The following SRGAP3 variants were observed in gnomAD, a reference collection of about 807,000 sequenced individuals.
SRGAP3 encodes the protein SLIT-ROBO Rho GTPase activating protein 3.
Under a neutral mutation model 121.1 loss-of-function variants are expected in SRGAP3, and 39 were observed. The observed-to-expected ratio is 0.32, with a 90% CI of 0.25 to 0.42. The LOEUF is 0.42. Ranked by LOEUF, SRGAP3 falls within the 10% of genes least tolerant of loss-of-function variation. The pLI is 1.00. For missense variants in SRGAP3, 1,213 were observed against 1,470.6 expected (o/e 0.82, Z 2.86); for synonymous variants, 601 against 570.0 (o/e 1.05, Z -0.77).
At chr3:9,136,396 C>CA (rs1949656885) in intron 1 of SRGAP3, among the ~76,000 whole-genome samples, 1 of 40,884 alleles carries the variant, frequency 2.4e-5, no homozygotes, top group Non-Finnish European at 4.7e-5. Context: ...TCGCTGGGAC[C>CA]CCCCCCCCCC....
At chr3:9,214,161 A>C (rs537874681) in intron 1 of SRGAP3, among the ~76,000 whole-genome samples, 2 of 136,822 alleles carry the variant, frequency 1.5e-5, no homozygotes, top group African/African-American at 5.0e-5. Context: ...CACACACAAG[A>C]ATATAAGCTC....
intron 3 of SRGAP3, among the ~76,000 whole-genome samples, chr3:9,081,657 G>A (rs562135498): frequency 3.9e-5 from 6 of 152,270 alleles, no homozygotes; most frequent in Admixed American, 3.9e-4. Context: ...CTAAGAAGGA[G>A]GTATAGTCTG....
chr3:9,170,533 C>A (rs113506525), intron 1 of SRGAP3, among the ~76,000 whole-genome samples: 1 of 152,088 alleles, frequency 6.6e-6, no homozygotes, highest in African/African-American at 2.4e-5. Flanking sequence ...TAGGAAGTCG[C>A]ACTCAAATGG....
intron 3 of SRGAP3, among the ~76,000 whole-genome samples, chr3:9,322,647 C>A (rs1210239177): frequency 1.3e-5 from 2 of 151,844 alleles, no homozygotes; most frequent in African/African-American, 4.8e-5. Context: ...TTATGAGAAT[C>A]CAATGCCTGA....
chr3:9,155,634 A>C (rs886803130), intron 1 of SRGAP3, among the ~76,000 whole-genome samples: 4 of 152,098 alleles, frequency 2.6e-5, no homozygotes, highest in Non-Finnish European at 5.9e-5. Context: ...CTGGCTTTTA[A>C]TTCACTAATT....
exon 1 of SRGAP3, chr3:9,362,963 G>A (rs987606615): frequency 2.0e-5 from 3 of 152,282 alleles, no homozygotes; most frequent in African/African-American, 7.2e-5. Context: ...ACAGCTTCCA[G>A]CGCATGCTCC....
chr3:9,170,878 G>A (rs1441753454), intron 1 of SRGAP3, among the ~76,000 whole-genome samples: 1 of 152,192 alleles, frequency 6.6e-6, no homozygotes, highest in African/African-American at 2.4e-5. Flanking sequence ...CAGCGCTGGG[G>A]GAGCCATGAA....
At chr3:9,175,699 G>T (rs446975) in intron 1 of SRGAP3, among the ~76,000 whole-genome samples, 16,297 of 152,264 alleles carry the variant, frequency 0.11, 1,095 homozygotes, top group East Asian at 0.28. Context: ...CCTGTGCCAG[G>T]TCTACATTCT....
chr3:9,180,541 G>A (rs974773325), intron 1 of SRGAP3, among the ~76,000 whole-genome samples: 1 of 152,180 alleles, frequency 6.6e-6, no homozygotes, highest in Non-Finnish European at 1.5e-5. Context: ...CTGACTTCAA[G>A]TCTGGTCCAG....
chr3:9,204,181 T>C (rs1311834711), intron 1 of SRGAP3, among the ~76,000 whole-genome samples: 1 of 152,222 alleles, frequency 6.6e-6, no homozygotes, highest in African/African-American at 2.4e-5. Flanking sequence ...GTTAGAATAC[T>C]TCTTGTGACA....
chr3:9,223,418 G>A (rs1049589221), intron 1 of SRGAP3, among the ~76,000 whole-genome samples: 5 of 152,208 alleles, frequency 3.3e-5, no homozygotes, highest in Admixed American at 1.3e-4. Flanking sequence ...GGACTTATCA[G>A]AGTCTTTAAT....
intron 7 of SRGAP3, 101 bp downstream of exon 7, chr3:9,058,150 G>A (rs975060203): frequency 5.3e-5 from 69 of 1,307,470 alleles, no homozygotes; most frequent in South Asian, 1.3e-4. Flanking sequence ...CCCAGGCGTC[G>A]GATAGAAACT....
intron 1 of SRGAP3, among the ~76,000 whole-genome samples, chr3:9,139,969 G>T (rs1949792244): frequency 6.6e-6 from 1 of 152,166 alleles, no homozygotes; most frequent in African/African-American, 2.4e-5. Context: ...TACTATGTCT[G>T]TGTTAGAGGG....
chr3:9,357,909 C>CT (rs1362948293), intron 1 of SRGAP3, among the ~76,000 whole-genome samples: 1 of 151,406 alleles, frequency 6.6e-6, no homozygotes, highest in Non-Finnish European at 1.5e-5. Context: ...GAGTCTCACT[C>CT]TGTCTCCCAG....
intron 1 of SRGAP3, among the ~76,000 whole-genome samples, chr3:9,135,550 AC>A (rs1949613859): frequency 6.6e-6 from 1 of 152,156 alleles, no homozygotes; most frequent in South Asian, 2.1e-4. Flanking sequence ...AGCCACTCTC[AC>A]AGGGTTGATT....
At chr3:9,128,967 G>T (rs1949341236) in intron 1 of SRGAP3, among the ~76,000 whole-genome samples, 1 of 152,232 alleles carries the variant, frequency 6.6e-6, no homozygotes, top group African/African-American at 2.4e-5. Flanking sequence ...ACCTTGGTGA[G>T]GGTGGAAGGG....
intron 1 of SRGAP3, among the ~76,000 whole-genome samples, chr3:9,234,640 G>C (rs1456374786): frequency 6.6e-6 from 1 of 152,138 alleles, no homozygotes; most frequent in Non-Finnish European, 1.5e-5. Context: ...TTTGACAAAT[G>C]GTTGGAAAAC....
chr3:9,328,925 G>A (rs1427321169), intron 2 of SRGAP3, among the ~76,000 whole-genome samples: 15 of 152,194 alleles, frequency 9.9e-5, no homozygotes, highest in Admixed American at 9.8e-4. Flanking sequence ...GGAAGGCGGA[G>A]ACCAAGAGAA....
chr3:9,265,740 G>A (rs1375465027), intron 3 of SRGAP3, among the ~76,000 whole-genome samples: 1 of 152,134 alleles, frequency 6.6e-6, no homozygotes, highest in African/African-American at 2.4e-5. Flanking sequence ...TGGAGAGGAT[G>A]TGGAGAAATA....
Sources: gnomAD v4.1 joint callset for allele counts (sites outside exome capture counted in the v4.1 genomes callset) on GRCh38, gnomAD v4.1.1 for gene constraint, MANE v1.5 for transcripts, NCBI Gene and HGNC (gene_info 2026-07-23, HGNC 2026-07-21) for gene names.